The following DSCAML1 variants were observed in gnomAD, a reference collection of about 807,000 sequenced individuals.
The protein encoded by DSCAML1 is DS cell adhesion molecule like 1, also known as cell adhesion molecule DSCAML1.
Under a neutral mutation model 200.5 loss-of-function variants are expected in DSCAML1, and 38 were observed. The observed-to-expected ratio is 0.19, with a 90% CI of 0.15 to 0.25. The LOEUF (loss-of-function observed/expected upper bound fraction) is 0.25. DSCAML1 is among the 10% of genes least tolerant of loss of function. The pLI is 1.00. For synonymous variants in DSCAML1, 1,215 were observed against 1,165.0 expected (o/e 1.04, Z -0.87); for missense variants, 2,223 against 2,858.8 (o/e 0.78, Z 5.07).
chr11:117,582,475 T>G (rs1211093705), intron 3 of DSCAML1, among the ~76,000 whole-genome samples: 1 of 152,216 alleles, frequency 6.6e-6, no homozygotes, highest in Non-Finnish European at 1.5e-5. Flanking sequence ...GTATCAATAA[T>G]TGTCAAGATG....
chr11:117,785,825 G>T (rs2055342095), intron 1 of DSCAML1, among the ~76,000 whole-genome samples: 1 of 152,152 alleles, frequency 6.6e-6, no homozygotes, highest in Admixed American at 6.5e-5. Flanking sequence ...ACAAAGGTAT[G>T]AGGTGGAGGG....
intron 3 of DSCAML1, among the ~76,000 whole-genome samples, chr11:117,768,668 A>G (rs988301042): frequency 6.6e-6 from 1 of 152,170 alleles, no homozygotes; most frequent in Non-Finnish European, 1.5e-5. Context: ...TTTTTATTTC[A>G]AGGATTCTAT....
chr11:117,753,818 T>C (rs1028668325), intron 3 of DSCAML1, among the ~76,000 whole-genome samples: 1 of 152,224 alleles, frequency 6.6e-6, no homozygotes, highest in African/African-American at 2.4e-5. Flanking sequence ...CCAGAGAGAT[T>C]GTTCTAGAGG....
At chr11:117,433,298 A>C (rs774704154) in intron 28 of DSCAML1, 42 bp from the exon 29 acceptor site, 6 of 1,583,682 alleles carry the variant, frequency 3.8e-6, no homozygotes, top group Non-Finnish European at 5.2e-6. Context: ...AGCAGCCATA[A>C]GGGGTTGGGG....
intron 3 of DSCAML1, among the ~76,000 whole-genome samples, chr11:117,660,958 T>C (rs2052836751): frequency 1.3e-5 from 2 of 152,224 alleles, no homozygotes; most frequent in African/African-American, 4.8e-5. Flanking sequence ...GAGTTGGGGA[T>C]TGTGCTTCTA....
At chr11:117,714,237 ACTAT>A (rs1404078691) in intron 3 of DSCAML1, among the ~76,000 whole-genome samples, 1 of 152,114 alleles carries the variant, frequency 6.6e-6, no homozygotes, top group Non-Finnish European at 1.5e-5. Context: ...AAAACAAGAG[ACTAT>A]CTATAGCTTC....
chr11:117,687,426 ATTTTTT>A (rs71037492), intron 3 of DSCAML1, among the ~76,000 whole-genome samples: 44 of 97,648 alleles, frequency 4.5e-4, no homozygotes, highest in Admixed American at 8.8e-4. Context: ...ATGCCTGGCT[ATTTTTT>A]TTTTTTTTTT....
Position 117,516,507 on chromosome 11 carries a change from G to T in DSCAML1, c.1743C>A (p.Pro581=), listed in dbSNP as rs2049770725. Residue 581 remains proline (P), a synonymous_variant, in exon 8 of 33, where the codon CCC becomes CCA. Coordinates refer to ENST00000651296, the MANE Select transcript of DSCAML1 (RefSeq NM_020693.4). The surrounding 1 kb of genome is among the most constrained non-coding windows in gnomAD (Gnocchi z 5.7). The stretch of plus-strand genomic sequence containing the variant: ...GAACGCTCTGGCTGATGGAGAGCTG[G>T]GGCTGGATGAGGACACTGCACAGGT... The part of the protein sequence containing the change: ...GEYLCSVLIQ[P]QLSISQSVHV... The T allele has an allele frequency of 1.2e-6, 2 of 1,613,960 alleles. No individual in the cohort carries two copies. Among genetic ancestry groups the T allele is most frequent in the African/African-American group, 2.7e-5 (2 of 75,054 alleles).
chr11:117,539,772 T>C (rs556993826), intron 3 of DSCAML1, among the ~76,000 whole-genome samples: 1 of 152,302 alleles, frequency 6.6e-6, no homozygotes, highest in Non-Finnish European at 1.5e-5. Flanking sequence ...ATTCTACTTA[T>C]GGGTATATAT....
chr11:117,572,867 C>T (rs2050869701), intron 3 of DSCAML1, among the ~76,000 whole-genome samples: 1 of 152,182 alleles, frequency 6.6e-6, no homozygotes, highest in South Asian at 2.1e-4. Context: ...CCAGAGAGCC[C>T]TGCTCTCTCA....
At chr11:117,801,565 A>G (rs1362096530), upstream of DSCAML1, 2 of 152,280 alleles carry the variant, frequency 1.3e-5, no homozygotes, top group Non-Finnish European at 2.9e-5. Context: ...AGTACAATTC[A>G]TAGACTGTGA....
At chr11:117,507,444 G>T (rs974349585) in intron 8 of DSCAML1, among the ~76,000 whole-genome samples, 1 of 152,210 alleles carries the variant, frequency 6.6e-6, no homozygotes, top group Non-Finnish European at 1.5e-5. Flanking sequence ...AAAGGGAGCT[G>T]CCTGCAGGGA....
At chr11:117,521,088 C>T in intron 6 of DSCAML1, 42 bp downstream of exon 6, 1 of 1,596,620 alleles carries the variant, frequency 6.3e-7, no homozygotes. Flanking sequence ...ATGAGCTCGG[C>T]AGCCCTGAAC....
At chr11:117,643,873 G>A (rs984077724) in intron 3 of DSCAML1, among the ~76,000 whole-genome samples, 3 of 152,182 alleles carry the variant, frequency 2.0e-5, no homozygotes, top group Non-Finnish European at 4.4e-5. Context: ...TTCCACAGGG[G>A]AAGAAGGAGA....
chr11:117,803,938 A>G (rs921954907), intron 1 of DSCAML1, among the ~76,000 whole-genome samples: 5 of 152,198 alleles, frequency 3.3e-5, no homozygotes, highest in Admixed American at 1.3e-4. Flanking sequence ...TCAGGATGGG[A>G]GACAACTTGG....
chr11:117,693,740 C>T (rs2137725503), intron 3 of DSCAML1, among the ~76,000 whole-genome samples: 1 of 152,282 alleles, frequency 6.6e-6, no homozygotes, highest in African/African-American at 2.4e-5. Context: ...AACTTAGGGG[C>T]TGTCCAATCT....
chr11:117,811,943 C>T (rs1163575968), intron 1 of DSCAML1, among the ~76,000 whole-genome samples: 1 of 152,222 alleles, frequency 6.6e-6, no homozygotes, highest in Non-Finnish European at 1.5e-5. Flanking sequence ...ACTTCTAAAC[C>T]TCTTAAAACT....
At chr11:117,652,506 C>G (rs904254824) in intron 3 of DSCAML1, among the ~76,000 whole-genome samples, 1 of 152,334 alleles carries the variant, frequency 6.6e-6, no homozygotes, top group South Asian at 2.1e-4. Flanking sequence ...ACCTGCTCCA[C>G]CTCCAATACA....
At chr11:117,696,975 T>A (rs548968313) in intron 3 of DSCAML1, among the ~76,000 whole-genome samples, 4 of 152,204 alleles carry the variant, frequency 2.6e-5, no homozygotes, top group East Asian at 3.8e-4. Flanking sequence ...CTTCAGGGAC[T>A]AATATGGGAG....
Sources: allele counts gnomAD v4.1 joint callset (sites outside exome capture counted in the v4.1 genomes callset), GRCh38; gene constraint gnomAD v4.1.1; non-coding constraint Gnocchi (gnomAD v3.1); transcripts MANE v1.5; gene names NCBI Gene and HGNC (gene_info 2026-07-23, HGNC 2026-07-21).